Variants in ABL2 observed in about 807,000 individuals in gnomAD.
ABL2 encodes the protein ABL proto-oncogene 2, non-receptor tyrosine kinase.
Under a neutral mutation model 107.7 loss-of-function variants are expected in ABL2, and 49 were observed. The observed-to-expected ratio is 0.45, with a 90% CI of 0.36 to 0.58. ABL2 has a LOEUF of 0.58. Ranked by LOEUF, ABL2 falls within the 20% of genes least tolerant of loss-of-function variation. The pLI, the probability that ABL2 is intolerant of heterozygous loss-of-function variation, is 0.00. For synonymous variants in ABL2, 549 were observed against 548.6 expected, an observed-to-expected ratio of 1.00 and a Z score of -0.01; for missense variants, 1,245 against 1,457.0, an observed-to-expected ratio of 0.85 and a Z score of 2.37.
intron 2 of ABL2, among the ~76,000 whole-genome samples, chr1:179,132,471 C>G (rs2816187): frequency 0.34 from 52,117 of 151,878 alleles, 9,415 homozygotes; most frequent in East Asian, 0.49. Context: ...ATCCAAATGT[C>G]TATGTCATAT....
chr1:179,218,275 G>A (rs1662687233), intron 1 of ABL2, among the ~76,000 whole-genome samples: 1 of 152,170 alleles, frequency 6.6e-6, no homozygotes, highest in Admixed American at 6.5e-5. Context: ...GTATAAGACT[G>A]TGGTGACTTG....
intron 1 of ABL2, among the ~76,000 whole-genome samples, chr1:179,148,864 C>T (rs1459985830): frequency 6.8e-6 from 1 of 146,304 alleles, no homozygotes; most frequent in Non-Finnish European, 1.5e-5. Context: ...CATGCCACTG[C>T]ACTCCAGCCT....
At chr1:179,189,172 G>A (rs1172504201) in intron 1 of ABL2, among the ~76,000 whole-genome samples, 2 of 152,138 alleles carry the variant, frequency 1.3e-5, no homozygotes, top group South Asian at 2.1e-4. Context: ...TTTCACTCTT[G>A]TTGCCCAGGC....
chr1:179,171,822 G>A (rs1409443570), intron 1 of ABL2, among the ~76,000 whole-genome samples: 7 of 152,140 alleles, frequency 4.6e-5, no homozygotes, highest in Admixed American at 4.6e-4. Context: ...GACTTTTCAT[G>A]TCCATGTTTT....
intron 1 of ABL2, among the ~76,000 whole-genome samples, chr1:179,222,982 C>T (rs1157480467): frequency 6.6e-6 from 1 of 151,502 alleles, no homozygotes. Flanking sequence ...TGGTGGCAGC[C>T]GCCTGTAATC....
At chr1:179,110,743 GT>G in intron 10 of ABL2, 2 of 1,613,610 alleles carry the variant, frequency 1.2e-6, no homozygotes, top group Non-Finnish European at 1.7e-6. Flanking sequence ...TGTTTAGGTT[GT>G]TTCCAGTTTG....
chr1:179,178,746 T>C (rs1186380017), intron 1 of ABL2, among the ~76,000 whole-genome samples: 1 of 151,834 alleles, frequency 6.6e-6, no homozygotes, highest in East Asian at 1.9e-4. Context: ...AAAAATTAGC[T>C]GAGTGTGGTG....
intron 1 of ABL2, among the ~76,000 whole-genome samples, chr1:179,161,181 A>T (rs557169536): frequency 1.6e-4 from 24 of 152,100 alleles, no homozygotes; most frequent in South Asian, 6.2e-4. Context: ...TAAGCTACAT[A>T]CCCCTCTCAA....
chr1:179,173,331 A>G (rs1659838989), intron 1 of ABL2, among the ~76,000 whole-genome samples: 1 of 151,402 alleles, frequency 6.6e-6, no homozygotes, highest in African/African-American at 2.4e-5. Context: ...TAACATAGCC[A>G]CAAACATTAA....
chr1:179,157,995 T>G (rs1417931791), intron 1 of ABL2, among the ~76,000 whole-genome samples: 1 of 152,262 alleles, frequency 6.6e-6, no homozygotes, highest in Non-Finnish European at 1.5e-5. Flanking sequence ...ATTTCCATTT[T>G]CCTTTTCAGT....
At chr1:179,131,099 C>T (rs1305048404) in intron 3 of ABL2, 3 of 360,180 alleles carry the variant, frequency 8.3e-6, no homozygotes, top group Non-Finnish European at 1.6e-5. Context: ...GGCTACCACG[C>T]CTGACTAATT....
Position 179,121,827 on chromosome 1 carries a change from T to G in ABL2, c.728A>C (p.Glu243Ala), listed in dbSNP as rs1265535273. The G allele has an allele frequency of 6.2e-7, 1 of 1,613,458 alleles. No individual in the cohort carries two copies. The highest frequency in any genetic ancestry group is 1.3e-5 in the African/African-American group (1 of 74,776). ...TAESRFSTLA[E>A]LVHHHSTVAD... ...CACTGTGGAGTGATGGTGTACAAGC[T>G]CTGCCAAGGTGCTGAAGCGGCTCTC... The change falls in exon 5 of 12, where the codon GAG becomes GCG. Residue 243 changes from glutamate to alanine, a missense_variant. Coordinates refer to ENST00000502732, the MANE Select transcript of ABL2 (RefSeq NM_007314.4).
intron 1 of ABL2, among the ~76,000 whole-genome samples, chr1:179,187,358 G>A (rs1437162929): frequency 6.6e-6 from 1 of 152,154 alleles, no homozygotes; most frequent in Non-Finnish European, 1.5e-5. Flanking sequence ...TAAGGATTTT[G>A]CCTTTTAAAT....
At chr1:179,184,226 TA>T in intron 1 of ABL2, 1 of 508,328 alleles carries the variant, frequency 2.0e-6, no homozygotes, top group South Asian at 1.9e-5. Context: ...TTGAAGATAC[TA>T]AGTCAGGTTA....
At chr1:179,154,579 G>A (rs990809259) in intron 1 of ABL2, among the ~76,000 whole-genome samples, 10 of 152,074 alleles carry the variant, frequency 6.6e-5, no homozygotes, top group Admixed American at 1.3e-4. Context: ...TTTCTTCACC[G>A]GGGCTTGAGG....
intron 1 of ABL2, among the ~76,000 whole-genome samples, chr1:179,171,001 G>A (rs1330197729): frequency 3.3e-5 from 5 of 152,136 alleles, no homozygotes; most frequent in Admixed American, 1.3e-4. Context: ...ACCTCATCTG[G>A]CAATAATACC....
chr1:179,125,513 C>T (rs1035421455), intron 4 of ABL2, among the ~76,000 whole-genome samples: 2 of 152,184 alleles, frequency 1.3e-5, no homozygotes, highest in African/African-American at 2.4e-5. Flanking sequence ...TATTATTACA[C>T]ATCTGATTCT....
At chr1:179,141,327 A>C (rs934045233) in intron 1 of ABL2, among the ~76,000 whole-genome samples, 1 of 152,026 alleles carries the variant, frequency 6.6e-6, no homozygotes, top group Non-Finnish European at 1.5e-5. Context: ...GGAATTCTGC[A>C]CTGATGACAG....
chr1:179,130,876 T>C (rs1336683069), intron 3 of ABL2, among the ~76,000 whole-genome samples: 1 of 152,066 alleles, frequency 6.6e-6, no homozygotes, highest in Non-Finnish European at 1.5e-5. Context: ...TGCCTAAGCT[T>C]ATTCTTACCT....
Sources: allele counts gnomAD v4.1 joint callset (sites outside exome capture counted in the v4.1 genomes callset), GRCh38; gene constraint gnomAD v4.1.1; transcripts MANE v1.5; gene names NCBI Gene and HGNC (gene_info 2026-07-23, HGNC 2026-07-21).